NUP50: variants seen among roughly 807,000 people sequenced by gnomAD.
The protein encoded by NUP50 is nuclear pore complex protein Nup50.
Under a neutral mutation model 36.8 loss-of-function variants are expected in NUP50, and 14 were observed. That is an observed-to-expected ratio of 0.38 (90% confidence interval 0.25 to 0.59). The LOEUF (loss-of-function observed/expected upper bound fraction) is 0.59, where lower values mean the gene tolerates loss of function less well. NUP50 is among the 20% of genes least tolerant of loss of function. NUP50 has a pLI of 0.63. For missense variants in NUP50, 455 were observed against 564.6 expected (o/e 0.81, Z 1.97); for synonymous variants, 195 against 210.8 (o/e 0.93, Z 0.65).
rs374441485 is a variant in NUP50 at position 45,184,514 on chromosome 22, T to C, written c.1266T>C (p.Asn422=). The C allele has an allele frequency of 3.7e-6, 6 of 1,613,798 alleles. No individual in the cohort carries two copies. Among genetic ancestry groups the C allele is most frequent in the African/African-American group, 2.7e-5 (2 of 75,020 alleles). The part of the protein sequence containing the change: ...PNMPCTRTGK[N]NVLIVCVPNP... ...TGCCATGTACGCGAACAGGGAAGAA[T>C]AACGTTCTTATCGTCTGTGTTCCAA... The change falls in exon 8 of 8, where the codon AAT becomes AAC. Residue 422 remains asparagine, a synonymous_variant. Transcript: ENST00000347635.
At chr22:45,183,319 A>C (rs2074411744) in intron 6 of NUP50, 83 bp from the exon 7 acceptor site, 1 of 776,874 alleles carries the variant, frequency 1.3e-6, no homozygotes, top group Non-Finnish European at 2.2e-6. Context: ...TTTTCCACAC[A>C]AGTGTGAAGA....
intron 2 of NUP50, 22 bp from the exon 3 acceptor site, chr22:45,171,578 C>T: frequency 2.5e-6 from 4 of 1,602,260 alleles, no homozygotes; most frequent in Non-Finnish European, 3.4e-6. Context: ...CTTACTGCTG[C>T]TTAATTTGTA....
intron 6 of NUP50, among the ~76,000 whole-genome samples, chr22:45,183,079 T>TGGGGGGGGGGGG (rs2074405021): frequency 1.3e-4 from 1 of 7,936 alleles, no homozygotes; most frequent in Admixed American, 1.9e-3. Context: ...TGGCAGGGGT[T>TGGGGGGGGGGGG]GGGGGCGGGG....
At chr22:45,174,458 T>C (rs1388759999) in intron 3 of NUP50, among the ~76,000 whole-genome samples, 1 of 152,222 alleles carries the variant, frequency 6.6e-6, no homozygotes, top group Non-Finnish European at 1.5e-5. Context: ...ATTATAGGCA[T>C]GAGCCACCAC....
intron 6 of NUP50, among the ~76,000 whole-genome samples, 154 bp from the exon 7 acceptor site, chr22:45,183,248 A>G (rs557308916): frequency 1.1e-3 from 167 of 152,304 alleles, no homozygotes; most frequent in Non-Finnish European, 1.9e-3. Context: ...GTTTTTGCTC[A>G]GGCTCTGTTT....
chr22:45,164,671 G>GC (rs1261534936), intron 1 of NUP50: 2 of 152,548 alleles, frequency 1.3e-5, no homozygotes, highest in Non-Finnish European at 2.9e-5. Flanking sequence ...CGGCGACGCA[G>GC]CCCCGGCTGT....
Position 45,185,647 on chromosome 22 carries a change from TTTAAC to T in NUP50, c.*995_*999del, listed in dbSNP as rs1331734281. On this transcript the variant is annotated 3_prime_UTR_variant, in exon 8 of 8. Coordinates refer to ENST00000347635, the MANE Select transcript of NUP50 (RefSeq NM_007172.4). Reference sequence around the variant, plus strand: ...GAGAAAATCGTGTGTAAACTTTGCCTTTAACTTTAGACCGCAGTATATTATAATAC... The same window carrying T: ...GAGAAAATCGTGTGTAAACTTTGCCTTTTAGACCGCAGTATATTATAATAC... 2.0e-5 allele frequency: 3 copies of T among 152,196 alleles called. No individual in the cohort carries two copies. Among genetic ancestry groups the T allele is most frequent in the African/African-American group, 7.2e-5 (3 of 41,434 alleles). The allele number at this position is 152,196 out of a possible 1,614,324, so 9.4% of individuals were successfully genotyped here. A position where few individuals can be genotyped will look rare whatever the true frequency, so the allele number is the denominator to read the frequency against.
At chr22:45,167,531 A>T (rs8140264) in intron 1 of NUP50, among the ~76,000 whole-genome samples, 1 of 152,014 alleles carries the variant, frequency 6.6e-6, no homozygotes. Context: ...TTGAAAGGTT[A>T]TAAGTTCCCA....
chr22:45,173,395 G>C (rs904584432), intron 3 of NUP50, among the ~76,000 whole-genome samples: 6 of 150,460 alleles, frequency 4.0e-5, no homozygotes, highest in African/African-American at 1.5e-4. Flanking sequence ...TGGTGACTAG[G>C]TGGTAGACGT....
chr22:45,176,956 G>A (rs2074285927), intron 4 of NUP50, among the ~76,000 whole-genome samples: 1 of 152,048 alleles, frequency 6.6e-6, no homozygotes, highest in Non-Finnish European at 1.5e-5. Flanking sequence ...TGGCCAGGAT[G>A]GTCTTGATCT....
chr22:45,178,307 G>T lies in NUP50; in HGVS notation c.410G>T (p.Ser137Ile), dbSNP rs1231345905. Residue 137 changes from serine to isoleucine, a missense_variant, in exon 5 of 8, where the codon AGT becomes ATT. Around this residue, in one of 3 missense-constraint regions of NUP50, gnomAD observed 166 missense variants for 202.8 expected, o/e 0.82. Transcript: ENST00000347635. The stretch of plus-strand genomic sequence containing the variant: ...TCAAATCCCAAAACTAATGGGGACA[G>T]TCAGCAGCCCTCCTCCTCTGGCCTT... Reference protein sequence around the residue: ...KVSNPKTNGDSQQPSSSGLAS... With the variant: ...KVSNPKTNGDIQQPSSSGLAS... 6.2e-7 allele frequency: 1 copy of T among 1,614,036 alleles called. No homozygotes were observed. Among genetic ancestry groups the T allele is most frequent in the South Asian group, 1.1e-5 (1 of 91,078 alleles).
intron 1 of NUP50, 86 bp downstream of exon 1, chr22:45,164,382 G>C (rs888506695): frequency 1.3e-5 from 2 of 152,712 alleles, no homozygotes; most frequent in African/African-American, 2.4e-5. Context: ...GGGCGGGAGC[G>C]GGCTCGGGCC....
chr22:45,181,689 T>A (rs2074376044), intron 6 of NUP50, among the ~76,000 whole-genome samples: 1 of 151,948 alleles, frequency 6.6e-6, no homozygotes, highest in Non-Finnish European at 1.5e-5. Flanking sequence ...TCTTTCTCCC[T>A]CCCCTTCCTC....
chr22:45,179,949 C>T (rs1286479374), intron 5 of NUP50, among the ~76,000 whole-genome samples: 2 of 152,180 alleles, frequency 1.3e-5, no homozygotes, highest in South Asian at 2.1e-4. Context: ...CTGCATTTGC[C>T]AATTTGCCTC....
chr22:45,171,225 C>T (rs901623746), intron 2 of NUP50: 37 of 1,101,364 alleles, frequency 3.4e-5, no homozygotes, highest in African/African-American at 3.3e-5. Context: ...TTGAGACAGT[C>T]TTGCTCTGTT....
rs2074466699 is a variant in NUP50 at position 45,186,107 on chromosome 22, G to A, written c.*1452G>A. 1 of 152,242 alleles carries A rather than the reference G, an allele frequency of 6.6e-6. No homozygotes were observed. Among genetic ancestry groups the A allele is most frequent in the Admixed American group, 6.5e-5 (1 of 15,282 alleles). 9.4% of individuals were successfully genotyped at this position (152,242 alleles called of 1,614,324 possible). A position where few individuals can be genotyped will look rare whatever the true frequency, so the allele number is the denominator to read the frequency against. On this transcript the variant is annotated 3_prime_UTR_variant, in exon 8 of 8. Coordinates refer to ENST00000347635, the MANE Select transcript of NUP50 (RefSeq NM_007172.4). ...AAATATGATGAACTCCTAAGTCACT[G>A]AGGTGTGATTGGGCCAATGTTGGCA...
chr22:45,184,557 A>G lies in NUP50; in HGVS notation c.1309A>G (p.Lys437Glu), dbSNP rs2074438561. The G allele has an allele frequency of 6.2e-7, 1 of 1,612,978 alleles. No individual in the cohort carries two copies. Among genetic ancestry groups the G allele is most frequent in the Non-Finnish European group, 8.5e-7 (1 of 1,178,930 alleles). Residue 437 changes from lysine to glutamate, a missense_variant, in exon 8 of 8, where the codon AAG (lysine) becomes GAG (glutamate). Around this residue, in one of 3 missense-constraint regions of NUP50, gnomAD observed 287 missense variants for 345.5 expected, o/e 0.83. Transcript: ENST00000347635. Reference protein sequence around the residue: ...VCVPNPPIDEKNATMPVTMLI... With the variant: ...VCVPNPPIDEENATMPVTMLI... The stretch of plus-strand genomic sequence containing the variant: ...TGTTCCAAATCCACCAATTGACGAG[A>G]AGAATGCCACCATGCCAGTCACCAT...
intron 5 of NUP50, among the ~76,000 whole-genome samples, chr22:45,180,605 TG>T (rs2074352377): frequency 6.6e-6 from 1 of 152,162 alleles, no homozygotes; most frequent in Admixed American, 6.5e-5. Flanking sequence ...GTTGAACTCC[TG>T]GGCTCAAGCG....
intron 2 of NUP50, chr22:45,170,846 T>C: frequency 2.5e-6 from 1 of 397,342 alleles, no homozygotes; most frequent in Non-Finnish European, 4.7e-6. Context: ...AAAGATTACA[T>C]TTAGTTAAGT....
Sources: gnomAD v4.1 joint callset for allele counts (sites outside exome capture counted in the v4.1 genomes callset) on GRCh38, gnomAD v4.1.1 for gene constraint, gnomAD v4.1.1 regional missense constraint, MANE v1.5 for transcripts, NCBI Gene and HGNC (gene_info 2026-07-23, HGNC 2026-07-21) for gene names.